YAE1: variants seen among roughly 807,000 people sequenced by gnomAD.
The protein encoded by YAE1 is YAE1 maturation factor of ABCE1.
In YAE1, 22 loss-of-function variants were observed where a neutral mutation model predicts 23.0. The ratio of observed to expected loss-of-function variants is 0.96; its 90% CI spans 0.68 to 1.37. The LOEUF (loss-of-function observed/expected upper bound fraction) is 1.37. Among genes scored for constraint, YAE1 ranks in the 40% most tolerant of loss-of-function variants. The pLI, the probability that YAE1 is intolerant of heterozygous loss-of-function variation, is 0.00. For missense variants in YAE1, 260 were observed against 262.1 expected (o/e 0.99, Z 0.06); for synonymous variants, 101 against 97.0 (o/e 1.04, Z -0.24).
chr7:39,606,735 C>T (rs1397223158), intron 2 of YAE1, among the ~76,000 whole-genome samples: 1 of 152,144 alleles, frequency 6.6e-6, no homozygotes, highest in Non-Finnish European at 1.5e-5. Flanking sequence ...TCCAAGATAG[C>T]ATTATGCAGT....
At chr7:39,575,827 C>T (rs887384435), downstream of YAE1, among the ~76,000 whole-genome samples, 1 of 152,226 alleles carries the variant, frequency 6.6e-6, no homozygotes, top group Non-Finnish European at 1.5e-5. Context: ...GCCAGTCACA[C>T]AACTGTCCAT....
downstream of YAE1, among the ~76,000 whole-genome samples, chr7:39,575,537 G>GGAGAGAGAGAGAGAGGGAGAGA: frequency 7.6e-6 from 1 of 131,208 alleles, no homozygotes; most frequent in East Asian, 2.5e-4. Context: ...CTAAGATACA[G>GGAGAGAGAGAGAGAGGGAGAGA]GAGAGAGAGA....
downstream of YAE1, among the ~76,000 whole-genome samples, chr7:39,574,088 C>T (rs560185827): frequency 1.1e-4 from 16 of 152,070 alleles, no homozygotes; most frequent in African/African-American, 3.6e-4. Flanking sequence ...GGATGCATCT[C>T]AAGGCCACCC....
chr7:39,597,447 G>A (rs1790992489), intron 2 of YAE1, among the ~76,000 whole-genome samples: 1 of 152,112 alleles, frequency 6.6e-6, no homozygotes, highest in South Asian at 2.1e-4. Context: ...ATGTATGACT[G>A]GGAACCTGTT....
In YAE1 at chr7:39,593,177, C is replaced by CTTTTTTTTTTTTTT. The variant is rs56303591; in HGVS notation, c.252-16428_252-16415dup. 1.7e-3 allele frequency among the ~76,000 whole-genome samples: 126 copies of CTTTTTTTTTTTTTT among 72,126 alleles called. 9 individuals are homozygous for CTTTTTTTTTTTTTT. Among genetic ancestry groups the CTTTTTTTTTTTTTT allele is most frequent in the South Asian group, 3.4e-3 (5 of 1,452 alleles). The allele number at this position is 72,126 out of a possible 152,430, so 47.3% of individuals were successfully genotyped here. Reference sequence around the variant, plus strand: ...CTCTATAATTTCCATTTGGTTATTTCTTTTTTTTTTTTTTTTTTTTTTTTT... The same window carrying CTTTTTTTTTTTTTT: ...CTCTATAATTTCCATTTGGTTATTTCTTTTTTTTTTTTTTTTTTTTTTTTTTTTTTTTTTTTTTT... On this transcript the variant is annotated intron_variant, in intron 2 of 2. Transcript: ENST00000432096.
At chr7:39,589,894 G>A (rs1790877300) in intron 2 of YAE1, among the ~76,000 whole-genome samples, 1 of 152,148 alleles carries the variant, frequency 6.6e-6, no homozygotes, top group Admixed American at 6.5e-5. Context: ...AGATGATAAG[G>A]TCACACACTT....
Position 39,570,653 on chromosome 7 carries a change from A to G in YAE1, c.251+26A>G, listed in dbSNP as rs1448564496. 1.9e-6 allele frequency: 3 copies of G among 1,577,798 alleles called. No individual in the cohort carries two copies. The South Asian group carries it at 3.6e-5, about 19-fold the overall frequency. On this transcript the variant is annotated intron_variant, in intron 2 of 2. Transcript: ENST00000223273. ...GTAATTTTTAAAGTCTAAATGCTGAATCATTTTAACCTCAATACTACTGGA... is the reference window on the plus strand; with the variant it reads ...GTAATTTTTAAAGTCTAAATGCTGAGTCATTTTAACCTCAATACTACTGGA...
At chr7:39,604,222 A>G (rs929980314) in intron 2 of YAE1, among the ~76,000 whole-genome samples, 3 of 152,218 alleles carry the variant, frequency 2.0e-5, no homozygotes, top group African/African-American at 7.2e-5. Flanking sequence ...GAGGCCATTT[A>G]TTAACATCTC....
At chr7:39,607,764 G>C (rs972455061) in intron 2 of YAE1, among the ~76,000 whole-genome samples, 6 of 152,220 alleles carry the variant, frequency 3.9e-5, no homozygotes, top group Non-Finnish European at 7.3e-5. Context: ...TGCCTCCCGG[G>C]TTCAAGCAAT....
chr7:39,580,602 G>A (rs1790727245), intron 2 of YAE1, among the ~76,000 whole-genome samples: 3 of 152,158 alleles, frequency 2.0e-5, no homozygotes, highest in Non-Finnish European at 2.9e-5. Context: ...CCACTAGGTG[G>A]TGCTCGTGCA....
chr7:39,583,938 C>G (rs1001250841), intron 2 of YAE1, among the ~76,000 whole-genome samples: 1 of 152,222 alleles, frequency 6.6e-6, no homozygotes, highest in African/African-American at 2.4e-5. Flanking sequence ...TCACAACTCA[C>G]TAGACATTAG....
At position 39,566,624 on chromosome 7, in the gene YAE1, T is replaced by C. The variant is rs373068336; in HGVS notation, c.129+77T>C. 2.1e-5 allele frequency: 33 copies of C among 1,584,276 alleles called. No homozygotes were observed. The East Asian group carries it at 3.9e-4, about 19-fold the overall frequency. On this transcript the variant is annotated intron_variant, in intron 1 of 2. Transcript: ENST00000223273. ...AGTTGTGAAGAAGCTGGGTCCAGAG[T>C]GGCCCCAGCCTGGCCCGGCGCTGCT...
chr7:39,589,809 C>A (rs897209933), intron 2 of YAE1, among the ~76,000 whole-genome samples: 25 of 152,152 alleles, frequency 1.6e-4, no homozygotes, highest in Non-Finnish European at 2.4e-4. Flanking sequence ...TGCAGCAAGA[C>A]CAAAGGAGCT....
intron 2 of YAE1, among the ~76,000 whole-genome samples, chr7:39,580,903 C>A (rs1790732964): frequency 6.6e-6 from 1 of 152,138 alleles, no homozygotes; most frequent in African/African-American, 2.4e-5. Flanking sequence ...AGCTCTGAGG[C>A]CTAAAAGTAA....
intron 2 of YAE1, among the ~76,000 whole-genome samples, chr7:39,587,495 C>G (rs1373592946): frequency 6.6e-6 from 1 of 152,174 alleles, no homozygotes; most frequent in Non-Finnish European, 1.5e-5. Context: ...TTAATATACA[C>G]TGAATTTTCC....
At chr7:39,605,176 G>A (rs1356448496) in intron 2 of YAE1, among the ~76,000 whole-genome samples, 1 of 152,164 alleles carries the variant, frequency 6.6e-6, no homozygotes, top group African/African-American at 2.4e-5. Context: ...TGCTTTGGGT[G>A]GGAAACCAGA....
At chr7:39,578,001 A>C (rs1271414777) in intron 2 of YAE1, among the ~76,000 whole-genome samples, 2 of 151,904 alleles carry the variant, frequency 1.3e-5, no homozygotes, top group Non-Finnish European at 1.5e-5. Flanking sequence ...GGGGACTTGG[A>C]GAACCTTTAT....
chr7:39,586,467 C>T (rs1448280442), intron 2 of YAE1, among the ~76,000 whole-genome samples: 1 of 150,562 alleles, frequency 6.6e-6, no homozygotes, highest in African/African-American at 2.4e-5. Context: ...CCACCGCGCC[C>T]GGCCAGTAAT....
chr7:39,601,259 G>A (rs923451518), intron 2 of YAE1, among the ~76,000 whole-genome samples: 3 of 152,170 alleles, frequency 2.0e-5, no homozygotes, highest in South Asian at 4.2e-4. Context: ...ATGCTAAATT[G>A]GTTGATACAG....
Sources: allele counts gnomAD v4.1 joint callset (sites outside exome capture counted in the v4.1 genomes callset), GRCh38; gene constraint gnomAD v4.1.1; transcripts MANE v1.5; gene names NCBI Gene and HGNC (gene_info 2026-07-23, HGNC 2026-07-21).